Variants in INSR observed in about 807,000 individuals in gnomAD.
INSR encodes the protein IR.
Under a neutral mutation model 142.6 loss-of-function variants are expected in INSR, and 67 were observed. The observed-to-expected ratio is 0.47, with a 90% CI of 0.39 to 0.58. The LOEUF is 0.58. Ranked by LOEUF, INSR falls within the 20% of genes least tolerant of loss-of-function variation. The probability of loss-of-function intolerance (pLI) is 0.00; values close to 1 mark genes in which losing one functional copy is unlikely to be tolerated. For missense variants in INSR, 1,248 were observed against 1,833.2 expected, an observed-to-expected ratio of 0.68 and a Z score of 5.83; for synonymous variants, 756 against 743.1, an observed-to-expected ratio of 1.02 and a Z score of -0.28.
chr19:7,129,215 T>C (rs1972719400), intron 14 of INSR, among the ~76,000 whole-genome samples: 1 of 152,216 alleles, frequency 6.6e-6, no homozygotes, highest in African/African-American at 2.4e-5. Context: ...AAATCACTGC[T>C]CATTTCCATC....
Position 7,293,842 on chromosome 19 carries a change from G to A in INSR, c.50C>T (p.Ala17Val), listed in dbSNP as rs777801415. The change falls in exon 1 of 22, where the codon GCG becomes GTG. Residue 17 changes from alanine to valine, a missense_variant. Coordinates refer to ENST00000302850, the MANE Select transcript of INSR (RefSeq NM_000208.4). ...RGAAAAPLLVAVAALLLGAAG... is the reference protein window; with the variant it reads ...RGAAAAPLLVVVAALLLGAAG... Reference sequence around the variant, plus strand: ...GGCGCCCAGTAGCAGCGCGGCCACCGCCACCAGCAGCGGCGCGGCCGCCGC... The same window carrying A: ...GGCGCCCAGTAGCAGCGCGGCCACCACCACCAGCAGCGGCGCGGCCGCCGC... 11 of 1,291,222 alleles carry A rather than the reference G, an allele frequency of 8.5e-6. No individual in the cohort carries two copies. In the South Asian group the frequency reaches 2.2e-4, roughly 26 times the overall value. The allele number at this position is 1,291,222 out of a possible 1,614,324, so 80.0% of individuals were successfully genotyped here.
chr19:7,148,757 C>T (rs1371073228), intron 11 of INSR, among the ~76,000 whole-genome samples: 1 of 146,374 alleles, frequency 6.8e-6, no homozygotes, highest in Non-Finnish European at 1.5e-5. Context: ...GGATTACAGG[C>T]GTGAGCTACC....
At chr19:7,129,328 T>G (rs913926921) in intron 14 of INSR, among the ~76,000 whole-genome samples, 2 of 152,200 alleles carry the variant, frequency 1.3e-5, no homozygotes, top group Admixed American at 1.3e-4. Context: ...AATTTTTATT[T>G]ATTTACTTAT....
In INSR at chr19:7,216,245, A is replaced by G. The variant is rs561862933; in HGVS notation, c.653-31608T>C. On this transcript the variant is annotated intron_variant, in intron 2 of 21. Coordinates refer to ENST00000302850, the MANE Select transcript of INSR (RefSeq NM_000208.4). The surrounding 1 kb of genome is among the most constrained non-coding windows in gnomAD (Gnocchi z 4.2). ...AGGCTGAGTCAAGAGAATTGCTTAA[A>G]CCCAGGAGGCAGAGGTTGCAGTGAG... 6.6e-6 allele frequency among the ~76,000 whole-genome samples: 1 copy of G among 152,146 alleles called. No homozygotes were observed. The highest frequency in any genetic ancestry group is 1.5e-5 in the Non-Finnish European group (1 of 68,014).
intron 13 of INSR, 149 bp from the exon 14 acceptor site, chr19:7,132,466 G>A: frequency 1.2e-6 from 1 of 807,550 alleles, no homozygotes; most frequent in Non-Finnish European, 2.0e-6. Flanking sequence ...GCGACTTTGA[G>A]AATTGCAGAA....
chr19:7,189,664 CT>C (rs35476514), intron 2 of INSR, among the ~76,000 whole-genome samples: 20,985 of 141,314 alleles, frequency 0.15, 1,655 homozygotes, highest in African/African-American at 0.26. Flanking sequence ...TTTACTATTA[CT>C]TTTTTTTTTT....
chr19:7,179,110 C>T (rs532085524), intron 3 of INSR, among the ~76,000 whole-genome samples: 1 of 152,290 alleles, frequency 6.6e-6, no homozygotes, highest in Non-Finnish European at 1.5e-5. Flanking sequence ...TGGGATCTCA[C>T]TATGTTGTCC....
Position 7,193,241 on chromosome 19 carries a change from G to A in INSR, c.653-8604C>T, listed in dbSNP as rs1974649079. On this transcript the variant is annotated intron_variant, in intron 2 of 21. Transcript: ENST00000302850. Reference sequence around the variant, plus strand: ...TCAAGAGATTCTTCTGCTCATGCCTGTAATCCCAGCAGGCTAAGGAGGCTA... The same window carrying A: ...TCAAGAGATTCTTCTGCTCATGCCTATAATCCCAGCAGGCTAAGGAGGCTA... 2.0e-5 allele frequency among the ~76,000 whole-genome samples: 3 copies of A among 151,436 alleles called. No homozygotes were observed. In the South Asian group the frequency reaches 6.3e-4, roughly 32 times the overall value.
In INSR at chr19:7,139,821, C is replaced by CTTTT. The variant is rs10673049; in HGVS notation, c.2682+1852_2682+1855dup. On this transcript the variant is annotated intron_variant, in intron 13 of 21. Coordinates refer to ENST00000302850, the MANE Select transcript of INSR (RefSeq NM_000208.4). ...CCACATATAGTCTCTGTTGCGTATT[C>CTTTT]TTTTTTTTTTTTTTTTTTTTGAGAC... Among the ~76,000 whole-genome samples the CTTTT allele has an allele frequency of 4.2e-3, 486 of 115,608 alleles. 2 individuals carry two copies. The highest frequency in any genetic ancestry group is 6.3e-3 in the Middle Eastern group (1 of 160). The allele number at this position is 115,608 out of a possible 152,430, so 75.8% of individuals were successfully genotyped here. A position where few individuals can be genotyped will look rare whatever the true frequency, so the allele number is the denominator to read the frequency against.
At chr19:7,198,322 C>T (rs1163993895) in intron 2 of INSR, among the ~76,000 whole-genome samples, 2 of 151,940 alleles carry the variant, frequency 1.3e-5, no homozygotes, top group African/African-American at 2.4e-5. Flanking sequence ...TGGCCGCCGC[C>T]GGGCGGTCCC....
intron 9 of INSR, among the ~76,000 whole-genome samples, chr19:7,161,536 G>A (rs1276245785): frequency 2.6e-5 from 4 of 152,048 alleles, no homozygotes; most frequent in East Asian, 1.9e-4. Flanking sequence ...AGGCATGAGC[G>A]CCAAGCCTGG....
In INSR at chr19:7,192,307, GAAAAA is replaced by G. The variant is rs151219612; in HGVS notation, c.653-7675_653-7671del. ...GAAAAGAAAAGAAAAGAAAAGAAAA[GAAAAA>G]AATCACAGGCAGCCCAGGCTGGGGA... On this transcript the variant is annotated intron_variant, in intron 2 of 21. Transcript: ENST00000302850. The surrounding 1 kb of genome is among the most constrained non-coding windows in gnomAD (Gnocchi z 4.2). Among the ~76,000 whole-genome samples the G allele has an allele frequency of 7.8e-6, 1 of 128,344 alleles. No homozygotes were observed. The highest frequency in any genetic ancestry group is 1.7e-5 in the Non-Finnish European group (1 of 60,342). The allele number at this position is 128,344 out of a possible 152,430, so 84.2% of individuals were successfully genotyped here. A position where few individuals can be genotyped will look rare whatever the true frequency, so the allele number is the denominator to read the frequency against.
Position 7,112,436 on chromosome 19 carries a change from T to A in INSR, c.*4620A>T, listed in dbSNP as rs1972229919. The A allele has an allele frequency of 6.6e-6, 1 of 152,162 alleles. No individual in the cohort carries two copies. The highest frequency in any genetic ancestry group is 2.4e-5 in the African/African-American group (1 of 41,444). The allele number at this position is 152,162 out of a possible 1,614,324, so 9.4% of individuals were successfully genotyped here. ...TGTTGGGGGGTTTTGTGTTTCTGAG[T>A]TGTTTTCTGCAAAAGCTGCAGCACA... On this transcript the variant is annotated 3_prime_UTR_variant, in exon 22 of 22. Coordinates refer to ENST00000302850, the MANE Select transcript of INSR (RefSeq NM_000208.4).
Position 7,115,353 on chromosome 19 carries a change from G to C in INSR, c.*1703C>G, listed in dbSNP as rs1019842838. On this transcript the variant is annotated 3_prime_UTR_variant, in exon 22 of 22. Coordinates refer to ENST00000302850, the MANE Select transcript of INSR (RefSeq NM_000208.4). Reference sequence around the variant, plus strand: ...CCCATTCGGAAGTTCTTGGTGGTGTGTAAGGTCTTTTTCACGGTTTCTCCT... The same window carrying C: ...CCCATTCGGAAGTTCTTGGTGGTGTCTAAGGTCTTTTTCACGGTTTCTCCT... 1 of 152,228 alleles carries C rather than the reference G, an allele frequency of 6.6e-6. No individual in the cohort carries two copies. Among genetic ancestry groups the C allele is most frequent in the Non-Finnish European group, 1.5e-5 (1 of 68,054 alleles). The allele number at this position is 152,228 out of a possible 1,614,324, so 9.4% of individuals were successfully genotyped here.
intron 2 of INSR, among the ~76,000 whole-genome samples, chr19:7,244,443 G>A (rs1160134909): frequency 1.3e-5 from 2 of 151,564 alleles, no homozygotes; most frequent in African/African-American, 4.9e-5. Context: ...TGAGGCACAA[G>A]AATTGTTTGA....
intron 2 of INSR, among the ~76,000 whole-genome samples, chr19:7,194,909 T>C (rs537230176): frequency 3.3e-5 from 5 of 152,100 alleles, no homozygotes; most frequent in Non-Finnish European, 5.9e-5. Context: ...GTGTGCCAAA[T>C]CATAGGAAAC....
intron 11 of INSR, 44 bp from the exon 12 acceptor site, chr19:7,143,134 T>C (rs1973114046): frequency 1.3e-6 from 2 of 1,587,334 alleles, no homozygotes; most frequent in Non-Finnish European, 1.7e-6. Context: ...ATCACCATCA[T>C]TTTTTTTAAA....
intron 14 of INSR, among the ~76,000 whole-genome samples, chr19:7,130,835 CTTTTCTTTCT>C (rs954783893): frequency 4.7e-4 from 70 of 150,290 alleles, no homozygotes; most frequent in Admixed American, 1.7e-3. Context: ...TCTTTCTTTC[CTTTTCTTTCT>C]TTTTCTTTTT....
chr19:7,149,931 AAG>A (rs1973287990), intron 11 of INSR, among the ~76,000 whole-genome samples: 1 of 141,938 alleles, frequency 7.0e-6, no homozygotes, highest in South Asian at 2.3e-4. Context: ...GAAGGAAAAA[AAG>A]AAAGAAGGAA....
Sources: gnomAD v4.1 joint callset for allele counts (sites outside exome capture counted in the v4.1 genomes callset) on GRCh38, gnomAD v4.1.1 for gene constraint, Gnocchi (gnomAD v3.1) non-coding constraint, MANE v1.5 for transcripts, NCBI Gene and HGNC (gene_info 2026-07-23, HGNC 2026-07-21) for gene names.